Variants in CREB3L1 observed in about 807,000 individuals in gnomAD.
CREB3L1 encodes the protein cyclic AMP-responsive element-binding protein 3-like protein 1.
Under a neutral mutation model 54.5 loss-of-function variants are expected in CREB3L1, and 33 were observed. That is an observed-to-expected ratio of 0.61 (90% CI 0.46 to 0.81). The LOEUF (loss-of-function observed/expected upper bound fraction) is 0.81. Among genes scored for constraint, CREB3L1 ranks in the 30% least tolerant of loss-of-function variants. CREB3L1 has a pLI of 0.00. For missense variants in CREB3L1, 656 were observed against 673.3 expected (o/e 0.97, Z 0.29); for synonymous variants, 284 against 286.4 (o/e 0.99, Z 0.08).
intron 1 of CREB3L1, among the ~76,000 whole-genome samples, chr11:46,281,694 G>A (rs1324868022): frequency 6.6e-6 from 1 of 152,220 alleles, no homozygotes; most frequent in Non-Finnish European, 1.5e-5. Flanking sequence ...GAGCTAACTG[G>A]GAAGCAGAGA....
chr11:46,281,186 G>C (rs1006612956), intron 1 of CREB3L1, among the ~76,000 whole-genome samples: 13 of 152,140 alleles, frequency 8.5e-5, no homozygotes, highest in Non-Finnish European at 1.5e-4. Context: ...TCCCATGTGG[G>C]GGCATCTCCT....
chr11:46,315,122 C>A, intron 8 of CREB3L1: 1 of 240,954 alleles, frequency 4.2e-6, no homozygotes, highest in South Asian at 5.4e-5. Flanking sequence ...TGGTATGCAG[C>A]AGGTGCTCAA....
intron 5 of CREB3L1, among the ~76,000 whole-genome samples, chr11:46,312,044 G>A (rs1437136579): frequency 6.6e-6 from 1 of 152,088 alleles, no homozygotes; most frequent in African/African-American, 2.4e-5. Context: ...GCTGTTTGGG[G>A]CACCCTGGAC....
At chr11:46,301,330 A>T (rs1320392183) in intron 2 of CREB3L1, among the ~76,000 whole-genome samples, 2 of 151,714 alleles carry the variant, frequency 1.3e-5, no homozygotes, top group Admixed American at 1.3e-4. Context: ...ACAGAGTGGG[A>T]CTCCATCTCA....
At chr11:46,313,460 G>A (rs1258097835) in intron 8 of CREB3L1, among the ~76,000 whole-genome samples, 7 of 152,154 alleles carry the variant, frequency 4.6e-5, no homozygotes, top group Admixed American at 2.6e-4. Flanking sequence ...GATGAGGGGG[G>A]TGGATCATTT....
In CREB3L1 at chr11:46,321,012, G is replaced by C. The variant is rs1042224129; in HGVS notation, c.*266G>C. ...GGGTACCCCACCTCCTCTCTCATAT[G>C]CCCAACACGACCACTGCCTCCCTGC... is the stretch of plus-strand genomic sequence containing the variant. On this transcript the variant is annotated 3_prime_UTR_variant, in exon 12 of 12. Transcript: ENST00000621158. 6 of 624,540 alleles carry C rather than the reference G, an allele frequency of 9.6e-6. No homozygotes were observed. The highest frequency in any genetic ancestry group is 9.0e-5 in the African/African-American group (5 of 55,502). The allele number at this position is 624,540 out of a possible 1,614,324, so 38.7% of individuals were successfully genotyped here. A position where few individuals can be genotyped will look rare whatever the true frequency, so the allele number is the denominator to read the frequency against.
At chr11:46,303,576 G>A (rs1007508772) in intron 2 of CREB3L1, among the ~76,000 whole-genome samples, 7 of 152,262 alleles carry the variant, frequency 4.6e-5, no homozygotes, top group Admixed American at 2.0e-4. Context: ...CCCAGGAAGC[G>A]GAGGTTGCAG....
chr11:46,307,990 T>C lies in CREB3L1; in HGVS notation c.506T>C (p.Ile169Thr), dbSNP rs556156637. ...LGLSPLSRLP[I>T]PHQAPGEMTQ... ...CTCAGCCCCTTGTCCAGGCTGCCCA[T>C]CCCCCACCAGGTGAGCCTGGGAACT... Residue 169 changes from isoleucine to threonine, a missense_variant, in exon 3 of 12, where the codon ATC becomes ACC. By Grantham distance (89) the Ile-to-Thr change is moderately conservative (BLOSUM62 -1). Transcript: ENST00000621158. 2.8e-5 allele frequency: 43 copies of C among 1,538,406 alleles called. No individual in the cohort carries two copies. In the South Asian group the frequency reaches 5.2e-4, roughly 19 times the overall value.
intron 10 of CREB3L1, 28 bp from the exon 11 acceptor site, chr11:46,320,236 C>T: frequency 1.3e-6 from 2 of 1,551,738 alleles, no homozygotes; most frequent in Non-Finnish European, 1.7e-6. Flanking sequence ...ATCTTGGGCA[C>T]ACCGCTCATC....
chr11:46,285,179 C>T (rs989562781), intron 1 of CREB3L1, among the ~76,000 whole-genome samples: 3 of 152,172 alleles, frequency 2.0e-5, no homozygotes, highest in East Asian at 1.9e-4. Flanking sequence ...GTGCCTCGTG[C>T]GAGTCCTGGT....
At chr11:46,292,901 T>C (rs770603016) in intron 1 of CREB3L1, among the ~76,000 whole-genome samples, 5 of 152,058 alleles carry the variant, frequency 3.3e-5, no homozygotes, top group Non-Finnish European at 5.9e-5. Context: ...GGATTACAAG[T>C]GTGAGCCCCC....
chr11:46,298,471 G>A (rs7943699), intron 1 of CREB3L1, among the ~76,000 whole-genome samples: 82,649 of 152,152 alleles, frequency 0.54, 24,577 homozygotes, highest in African/African-American at 0.79. Flanking sequence ...GCCGAGGCGG[G>A]CAGATCACTT....
chr11:46,305,628 GTATATATATACATA>G (rs200531686), intron 2 of CREB3L1, among the ~76,000 whole-genome samples: 1,651 of 129,380 alleles, frequency 0.013, 20 homozygotes, highest in African/African-American at 0.026. Context: ...GTATATATAT[GTATATATATACATA>G]TATATGTGTG....
At chr11:46,288,840 G>C (rs1041700799) in intron 1 of CREB3L1, among the ~76,000 whole-genome samples, 3 of 152,138 alleles carry the variant, frequency 2.0e-5, no homozygotes, top group African/African-American at 7.2e-5. Context: ...TCAAATCCCC[G>C]CTTGACCACT....
chr11:46,288,729 C>A (rs974610540), intron 1 of CREB3L1, among the ~76,000 whole-genome samples: 1 of 152,152 alleles, frequency 6.6e-6, no homozygotes, highest in South Asian at 2.1e-4. Flanking sequence ...TTGTATCTGG[C>A]CCTGGACTAG....
chr11:46,310,827 C>A, intron 4 of CREB3L1: 2 of 611,820 alleles, frequency 3.3e-6, no homozygotes, highest in Non-Finnish European at 5.1e-6. Flanking sequence ...TCAGATGAGG[C>A]AGCACCCAGG....
chr11:46,316,210 C>T (rs770140010), intron 8 of CREB3L1, 76 bp from the exon 9 acceptor site: 71 of 911,452 alleles, frequency 7.8e-5, no homozygotes, highest in Non-Finnish European at 1.1e-4. Context: ...CTGGAGCCAG[C>T]CCCCTAGGAG....
chr11:46,318,350 G>C (rs112403850), intron 10 of CREB3L1, among the ~76,000 whole-genome samples: 2 of 152,318 alleles, frequency 1.3e-5, no homozygotes, highest in African/African-American at 4.8e-5. Flanking sequence ...GTTTCCAAGG[G>C]GGATAGTAAA....
At chr11:46,291,746 G>T (rs1939134068) in intron 1 of CREB3L1, among the ~76,000 whole-genome samples, 1 of 152,176 alleles carries the variant, frequency 6.6e-6, no homozygotes, top group Admixed American at 6.5e-5. Context: ...TCCCTTGGAG[G>T]CCCAGAGAGC....
Sources: allele counts gnomAD v4.1 joint callset (sites outside exome capture counted in the v4.1 genomes callset), GRCh38; gene constraint gnomAD v4.1.1; transcripts MANE v1.5; gene names NCBI Gene and HGNC (gene_info 2026-07-23, HGNC 2026-07-21).